Variants in STPG2 observed in about 807,000 individuals in gnomAD.
STPG2 encodes the protein sperm-tail PG-rich repeat-containing protein 2.
A neutral mutation model predicts 54.2 loss-of-function variants in STPG2; 56 were observed. The observed-to-expected ratio is 1.03, with a 90% CI of 0.83 to 1.29. The LOEUF (loss-of-function observed/expected upper bound fraction) is 1.29. STPG2 is among the 50% of genes most tolerant of loss of function. The pLI, the probability that STPG2 is intolerant of heterozygous loss-of-function variation, is 0.00. For missense variants in STPG2, 596 were observed against 544.9 expected (o/e 1.09, Z -0.93); for synonymous variants, 200 against 181.8 (o/e 1.10, Z -0.81).
intron 4 of STPG2, among the ~76,000 whole-genome samples, chr4:97,527,945 A>G (rs1011818561): frequency 6.6e-6 from 1 of 151,948 alleles, no homozygotes; most frequent in Non-Finnish European, 1.5e-5. Flanking sequence ...CCCATTCTTT[A>G]GGTTGTCTAT....
chr4:97,736,717 T>A (rs1459588533), intron 9 of STPG2, among the ~76,000 whole-genome samples: 1 of 152,308 alleles, frequency 6.6e-6, no homozygotes, highest in Non-Finnish European at 1.5e-5. Context: ...AAGCTCGAAC[T>A]GGGTGGAGCC....
At chr4:97,782,902 T>G (rs557508348) in intron 9 of STPG2, among the ~76,000 whole-genome samples, 1 of 152,332 alleles carries the variant, frequency 6.6e-6, no homozygotes, top group South Asian at 2.1e-4. Context: ...ACTGGATCCC[T>G]TCCTTACACC....
At chr4:97,647,205 G>T (rs1366714437) in intron 10 of STPG2, among the ~76,000 whole-genome samples, 2 of 152,164 alleles carry the variant, frequency 1.3e-5, no homozygotes, top group Non-Finnish European at 2.9e-5. Context: ...TTGCCAGGCT[G>T]CTTGAGTTAA....
rs200082409 is a variant in STPG2 at position 98,139,812 on chromosome 4, AAAGTTAC to A, written c.109+3223_109+3229del. On this transcript the variant is annotated intron_variant, in intron 1 of 10. Transcript: ENST00000295268. ...ACACGCTCCTTACTTCTCTCTAAGC[AAAGTTAC>A]AAGTTACAAGAGTTTTAAATTACGC... 1.1e-4 allele frequency among the ~76,000 whole-genome samples: 16 copies of A among 152,356 alleles called. No homozygotes were observed. The East Asian group carries it at 2.9e-3, about 28-fold the overall frequency.
intron 5 of STPG2, among the ~76,000 whole-genome samples, chr4:97,986,512 C>A (rs1160845367): frequency 2.0e-5 from 3 of 152,148 alleles, no homozygotes; most frequent in Admixed American, 2.0e-4. Flanking sequence ...GCCTTCAGAA[C>A]CTTTTCAGAA....
At chr4:97,829,124 T>C (rs1479569432) in intron 9 of STPG2, among the ~76,000 whole-genome samples, 1 of 152,102 alleles carries the variant, frequency 6.6e-6, no homozygotes, top group African/African-American at 2.4e-5. Flanking sequence ...ACAGGAGAGC[T>C]GTGGCTGGCA....
chr4:98,112,006 G>A (rs1207769391), intron 3 of STPG2, among the ~76,000 whole-genome samples: 1 of 151,880 alleles, frequency 6.6e-6, no homozygotes, highest in Non-Finnish European at 1.5e-5. Flanking sequence ...TGGTTCTCAG[G>A]CCTTCAGACT....
chr4:97,936,300 C>T (rs946011662), intron 8 of STPG2, among the ~76,000 whole-genome samples: 13 of 152,142 alleles, frequency 8.5e-5, no homozygotes, highest in Non-Finnish European at 2.9e-5. Flanking sequence ...CTCTTGAATA[C>T]AGCACACTGA....
At chr4:97,906,114 G>C (rs955937194) in intron 8 of STPG2, among the ~76,000 whole-genome samples, 27 of 151,764 alleles carry the variant, frequency 1.8e-4, no homozygotes, top group African/African-American at 6.5e-4. Context: ...CTGATAGACC[G>C]CTAGCAAGAC....
At chr4:97,655,422 A>C (rs1054165068) in intron 10 of STPG2, among the ~76,000 whole-genome samples, 1 of 152,034 alleles carries the variant, frequency 6.6e-6, no homozygotes, top group African/African-American at 2.4e-5. Flanking sequence ...CACTAAAATT[A>C]AGTTGTTGTG....
At chr4:97,754,314 T>C (rs747478978) in intron 9 of STPG2, among the ~76,000 whole-genome samples, 13 of 152,110 alleles carry the variant, frequency 8.5e-5, no homozygotes, top group South Asian at 2.1e-4. Context: ...TAAGAAAGTC[T>C]ACTCTGCTAT....
At chr4:97,962,932 A>C (rs978331328) in intron 7 of STPG2, among the ~76,000 whole-genome samples, 3 of 152,134 alleles carry the variant, frequency 2.0e-5, no homozygotes, top group African/African-American at 7.2e-5. Flanking sequence ...AAGCTGAGGC[A>C]GGTGGATCAT....
chr4:97,999,966 C>T (rs113342052), intron 5 of STPG2, among the ~76,000 whole-genome samples: 1,786 of 152,086 alleles, frequency 0.012, 31 homozygotes, highest in African/African-American at 0.041. Context: ...AAAGTGAAAA[C>T]GGCTAATAAT....
At chr4:97,655,711 A>C (rs1006137802) in intron 10 of STPG2, among the ~76,000 whole-genome samples, 2 of 152,152 alleles carry the variant, frequency 1.3e-5, no homozygotes, top group South Asian at 4.1e-4. Context: ...TTCAGTTTTA[A>C]TAGCATATCC....
chr4:97,798,177 T>A (rs937455546), intron 9 of STPG2, among the ~76,000 whole-genome samples: 3 of 152,214 alleles, frequency 2.0e-5, no homozygotes, highest in Non-Finnish European at 4.4e-5. Context: ...TGTGTCTCTA[T>A]CTCTTTCAGT....
intron 5 of STPG2, among the ~76,000 whole-genome samples, chr4:98,037,046 C>A (rs1375239942): frequency 6.6e-6 from 1 of 151,870 alleles, no homozygotes; most frequent in Non-Finnish European, 1.5e-5. Context: ...AAGTAATAGA[C>A]AAATATCTCT....
At chr4:97,673,173 A>G (rs1316596431) in intron 10 of STPG2, among the ~76,000 whole-genome samples, 11 of 152,220 alleles carry the variant, frequency 7.2e-5, no homozygotes, top group Non-Finnish European at 1.5e-5. Context: ...ACAGGAAACA[A>G]TGTCAGTGAT....
chr4:97,629,754 T>A (rs1010962273), intron 10 of STPG2, among the ~76,000 whole-genome samples: 3 of 151,936 alleles, frequency 2.0e-5, no homozygotes, highest in African/African-American at 7.2e-5. Flanking sequence ...AGCAGTAGCA[T>A]CTTGAAATAT....
rs1407351929 is a variant in STPG2 at position 97,616,088 on chromosome 4, A to ATGTATG, written c.1321-56972_1321-56971insCATACA. ...TATATATATATATATATATATATAT[A>ATGTATG]TATATATGTATGTATATTTAATAGT... On this transcript the variant is annotated intron_variant, in intron 10 of 10. Transcript: ENST00000295268. 1.3e-4 allele frequency among the ~76,000 whole-genome samples: 11 copies of ATGTATG among 84,290 alleles called. No homozygotes were observed. In the South Asian group the frequency reaches 6.2e-3, roughly 48 times the overall value. 55.3% of individuals were successfully genotyped at this position (84,290 alleles called of 152,430 possible).
Sources: gnomAD v4.1 joint callset for allele counts (sites outside exome capture counted in the v4.1 genomes callset) on GRCh38, gnomAD v4.1.1 for gene constraint, MANE v1.5 for transcripts, NCBI Gene and HGNC (gene_info 2026-07-23, HGNC 2026-07-21) for gene names.